ZDHHC15: variants seen among roughly 807,000 people sequenced by gnomAD.
ZDHHC15 encodes the protein palmitoyltransferase ZDHHC15.
A neutral mutation model predicts 31.7 loss-of-function variants in ZDHHC15; 19 were observed. The observed-to-expected ratio is 0.60, with a 90% CI of 0.42 to 0.88. The LOEUF is 0.88. ZDHHC15 is among the 40% of genes least tolerant of loss of function. ZDHHC15 has a pLI of 0.00. For synonymous variants in ZDHHC15, 103 were observed against 90.0 expected (o/e 1.14, Z -0.82); for missense variants, 209 against 251.2 (o/e 0.83, Z 1.14).
At chrX:75,383,020 A>T (rs2083132955) in intron 10 of ZDHHC15, among the ~76,000 whole-genome samples, 1 of 111,602 alleles carries the variant, frequency 9.0e-6, no homozygotes, top group African/African-American at 3.3e-5. Flanking sequence ...TACAGGAACT[A>T]AAATAATTTT....
rs1602675124 is a variant in ZDHHC15, at chrX:75,466,524, G to A, written c.258+12367C>T. Among the ~76,000 whole-genome samples the A allele has an allele frequency of 4.5e-5, 5 of 110,894 alleles. No homozygotes were observed. In the South Asian group the frequency reaches 1.1e-3, roughly 25 times the overall value. ...TTTCCTGAGGCCTGCCCAGCCATGT[G>A]TAACTGTGAGTCAATTAAACCTCTT... is the stretch of plus-strand genomic sequence containing the variant. On this transcript the variant is annotated intron_variant, in intron 3 of 11. Coordinates refer to ENST00000373367, the MANE Select transcript of ZDHHC15 (RefSeq NM_144969.3).
chrX:75,517,976 C>CAA (rs780881035), intron 1 of ZDHHC15, among the ~76,000 whole-genome samples: 5 of 105,691 alleles, frequency 4.7e-5, no homozygotes, highest in South Asian at 4.2e-4. Context: ...AAAACAAAAA[C>CAA]AAAAAAAAAC....
intron 3 of ZDHHC15, among the ~76,000 whole-genome samples, chrX:75,456,674 T>A (rs945983990): frequency 2.7e-5 from 3 of 110,892 alleles, no homozygotes; most frequent in Non-Finnish European, 3.8e-5. Flanking sequence ...AGAAATATCA[T>A]TTGACCCAGC....
chrX:75,491,640 AG>A (rs2084895571), intron 2 of ZDHHC15, among the ~76,000 whole-genome samples: 1 of 110,866 alleles, frequency 9.0e-6, no homozygotes, highest in South Asian at 3.8e-4. Context: ...ATAAAATAAA[AG>A]AAAAAAAAGA....
intron 1 of ZDHHC15, among the ~76,000 whole-genome samples, chrX:75,519,926 T>C (rs1269970927): frequency 8.9e-6 from 1 of 112,072 alleles, no homozygotes; most frequent in Non-Finnish European, 1.9e-5. Context: ...TGCAAAATGT[T>C]AAGAAAACAC....
At chrX:75,497,559 T>C (rs2148029872) in intron 2 of ZDHHC15, among the ~76,000 whole-genome samples, 1 of 111,321 alleles carries the variant, frequency 9.0e-6, no homozygotes, top group African/African-American at 3.3e-5. Context: ...CCCTGATGAA[T>C]AGAGATGCAA....
chrX:75,501,287 T>C (rs1457750769), intron 2 of ZDHHC15, among the ~76,000 whole-genome samples: 1 of 111,401 alleles, frequency 9.0e-6, no homozygotes, highest in Non-Finnish European at 1.9e-5. Flanking sequence ...CATGATCTCA[T>C]TCTTTTCTAT....
At chrX:75,472,659 G>A (rs2147962123) in intron 3 of ZDHHC15, among the ~76,000 whole-genome samples, 1 of 112,095 alleles carries the variant, frequency 8.9e-6, no homozygotes, top group Non-Finnish European at 1.9e-5. Context: ...AAGTGGATAG[G>A]ACGACCTGTT....
intron 10 of ZDHHC15, among the ~76,000 whole-genome samples, chrX:75,387,305 C>T (rs1299494160): frequency 2.7e-5 from 3 of 111,567 alleles, no homozygotes; most frequent in Non-Finnish European, 5.6e-5. Context: ...GAACCATAAC[C>T]TTCCCAAATG....
intron 2 of ZDHHC15, among the ~76,000 whole-genome samples, chrX:75,505,040 T>A (rs929716841): frequency 9.0e-6 from 1 of 111,693 alleles, no homozygotes; most frequent in East Asian, 2.8e-4. Context: ...TCAGACAGTC[T>A]AGCTACAGAA....
intron 4 of ZDHHC15, among the ~76,000 whole-genome samples, chrX:75,444,781 A>C: frequency 9.8e-6 from 1 of 101,944 alleles, no homozygotes; most frequent in Middle Eastern, 5.0e-3. Context: ...GTAATGTTTA[A>C]ATAAATTACT....
intron 10 of ZDHHC15, among the ~76,000 whole-genome samples, chrX:75,383,443 T>C (rs943118231): frequency 9.0e-6 from 1 of 111,398 alleles, no homozygotes; most frequent in Non-Finnish European, 1.9e-5. Flanking sequence ...TTCACTTAGC[T>C]TGGGGTCTTG....
chrX:75,443,639 C>T (rs1459312957), intron 4 of ZDHHC15, among the ~76,000 whole-genome samples: 2 of 111,826 alleles, frequency 1.8e-5, no homozygotes. Flanking sequence ...AACTAAAGAG[C>T]TTCTGCACAG....
At chrX:75,373,924 C>CGGT (rs2083026873) in intron 11 of ZDHHC15, among the ~76,000 whole-genome samples, 1 of 19,057 alleles carries the variant, frequency 5.2e-5, no homozygotes, top group African/African-American at 1.0e-4. Flanking sequence ...TTCATTCTTT[C>CGGT]TGTTTTTTTT....
At chrX:75,497,497 A>G (rs1602737646) in intron 2 of ZDHHC15, among the ~76,000 whole-genome samples, 1 of 111,499 alleles carries the variant, frequency 9.0e-6, no homozygotes, top group East Asian at 2.8e-4. Context: ...TATCGCCCTA[A>G]TACCAAAACC....
At chrX:75,461,902 G>GA (rs761126499) in intron 3 of ZDHHC15, among the ~76,000 whole-genome samples, 4 of 111,854 alleles carry the variant, frequency 3.6e-5, no homozygotes, top group Non-Finnish European at 7.5e-5. Flanking sequence ...CTAGCATCAT[G>GA]ATGACAGGAT....
chrX:75,409,795 T>TAAAA (rs1189768393), intron 10 of ZDHHC15, among the ~76,000 whole-genome samples: 2 of 35,524 alleles, frequency 5.6e-5, no homozygotes, highest in African/African-American at 3.1e-4. Context: ...ACCCCATCTC[T>TAAAA]AAAAAAAAAA....
chrX:75,443,016 A>T (rs1168443292), intron 4 of ZDHHC15, among the ~76,000 whole-genome samples: 2 of 109,334 alleles, frequency 1.8e-5, no homozygotes, highest in Non-Finnish European at 3.8e-5. Flanking sequence ...AAAAATCAAT[A>T]TTGAGAAAAT....
intron 11 of ZDHHC15, among the ~76,000 whole-genome samples, chrX:75,375,532 A>G (rs5981848): frequency 0.012 from 1,320 of 111,243 alleles, 17 homozygotes; most frequent in African/African-American, 0.041. Context: ...ATAGTACCCA[A>G]TAGGTAGTTT....
Sources: allele counts gnomAD v4.1 joint callset (sites outside exome capture counted in the v4.1 genomes callset), GRCh38; gene constraint gnomAD v4.1.1; transcripts MANE v1.5; gene names NCBI Gene and HGNC (gene_info 2026-07-23, HGNC 2026-07-21).